The following ERC2 variants were observed in gnomAD, a reference collection of about 807,000 sequenced individuals.
The protein encoded by ERC2 is ELKS/RAB6-interacting/CAST family member 2.
ERC2 carries 42 observed loss-of-function variants against 114.8 expected under a neutral mutation model. The observed-to-expected ratio is 0.37, with a 90% CI of 0.29 to 0.47. The LOEUF (loss-of-function observed/expected upper bound fraction) is 0.47, where lower values mean the gene tolerates loss of function less well. Ranked by LOEUF, ERC2 falls within the 20% of genes least tolerant of loss-of-function variation. The pLI is 0.99. For missense variants in ERC2, 939 were observed against 1,150.7 expected, an observed-to-expected ratio of 0.82 and a Z score of 2.66; for synonymous variants, 454 against 425.5, an observed-to-expected ratio of 1.07 and a Z score of -0.82.
intron 15 of ERC2, among the ~76,000 whole-genome samples, chr3:55,713,114 CTCTCTCTCTCTCTG>C (rs1237088649): frequency 2.6e-5 from 3 of 114,198 alleles, no homozygotes; most frequent in Non-Finnish European, 5.1e-5. Flanking sequence ...CTCTCTCTCT[CTCTCTCTCTCTCTG>C]TCTCACACAC....
chr3:55,525,842 A>C (rs1372666906), intron 17 of ERC2, among the ~76,000 whole-genome samples: 1 of 152,204 alleles, frequency 6.6e-6, no homozygotes, highest in Non-Finnish European at 1.5e-5. Flanking sequence ...TGGGGACTAC[A>C]TAACCTTTCC....
At chr3:55,525,607 C>A (rs558628493) in intron 17 of ERC2, among the ~76,000 whole-genome samples, 1 of 152,266 alleles carries the variant, frequency 6.6e-6, no homozygotes, top group South Asian at 2.1e-4. Flanking sequence ...TAGAGCCAGG[C>A]CAAAGCTGAC....
intron 2 of ERC2, among the ~76,000 whole-genome samples, chr3:56,424,890 A>G (rs1447847420): frequency 6.6e-6 from 1 of 152,200 alleles, no homozygotes; most frequent in Non-Finnish European, 1.5e-5. Context: ...TTTATGTAAC[A>G]TTGGGGAAAA....
intron 6 of ERC2, among the ~76,000 whole-genome samples, chr3:56,119,034 C>T (rs1161372391): frequency 2.0e-5 from 3 of 152,144 alleles, no homozygotes; most frequent in Non-Finnish European, 2.9e-5. Context: ...TCTTTTGCAA[C>T]GAATTAACTC....
chr3:56,276,032 C>T (rs2150308891), intron 3 of ERC2, among the ~76,000 whole-genome samples: 1 of 152,310 alleles, frequency 6.6e-6, no homozygotes, highest in Non-Finnish European at 1.5e-5. Flanking sequence ...TGCAAACTTG[C>T]ACTGGAGTTA....
chr3:55,950,714 A>G, intron 12 of ERC2, 154 bp from the exon 13 acceptor site: 1 of 876,710 alleles, frequency 1.1e-6, no homozygotes, highest in Non-Finnish European at 1.7e-6. Context: ...AACTACAAAT[A>G]TGTATTGAGC....
chr3:56,400,315 G>A (rs911933123), intron 2 of ERC2, among the ~76,000 whole-genome samples: 1 of 152,150 alleles, frequency 6.6e-6, no homozygotes, highest in South Asian at 2.1e-4. Context: ...ATGGTTATGG[G>A]GGCTGAGGGG....
intron 14 of ERC2, among the ~76,000 whole-genome samples, chr3:55,821,618 T>C (rs1340933294): frequency 6.6e-6 from 1 of 152,240 alleles, no homozygotes; most frequent in African/African-American, 2.4e-5. Flanking sequence ...CTAACTTGTT[T>C]TCTGACAAAG....
chr3:55,990,320 A>C (rs1351053105), intron 11 of ERC2, among the ~76,000 whole-genome samples: 2 of 152,248 alleles, frequency 1.3e-5, no homozygotes, highest in Non-Finnish European at 2.9e-5. Context: ...TAATGCTATT[A>C]TGAAGAGAAA....
At chr3:56,023,713 G>A (rs2073865683) in intron 7 of ERC2, among the ~76,000 whole-genome samples, 1 of 149,810 alleles carries the variant, frequency 6.7e-6, no homozygotes, top group African/African-American at 2.5e-5. Flanking sequence ...ATCTCCAGCT[G>A]CAGCACCCAA....
intron 12 of ERC2, among the ~76,000 whole-genome samples, chr3:55,951,825 A>T (rs2067537978): frequency 6.6e-6 from 1 of 152,146 alleles, no homozygotes; most frequent in Non-Finnish European, 1.5e-5. Flanking sequence ...GATGATAAAC[A>T]GCAAACGTGA....
intron 13 of ERC2, among the ~76,000 whole-genome samples, chr3:55,917,981 C>T (rs975432339): frequency 6.6e-5 from 10 of 152,036 alleles, no homozygotes; most frequent in Middle Eastern, 3.4e-3. Context: ...ACTGAAATCT[C>T]GGTGGCTTAT....
chr3:55,840,973 T>A (rs2061107028), intron 14 of ERC2, among the ~76,000 whole-genome samples: 1 of 151,568 alleles, frequency 6.6e-6, no homozygotes, highest in South Asian at 2.1e-4. Context: ...CATGGAGAGG[T>A]AGGAGGAATG....
chr3:56,298,522 T>C (rs1341656892), intron 2 of ERC2, among the ~76,000 whole-genome samples: 1 of 152,160 alleles, frequency 6.6e-6, no homozygotes, highest in South Asian at 2.1e-4. Context: ...TAATGGAATA[T>C]TATTCAGCCA....
At chr3:56,130,970 G>T (rs2080168959) in intron 6 of ERC2, among the ~76,000 whole-genome samples, 1 of 152,030 alleles carries the variant, frequency 6.6e-6, no homozygotes, top group Non-Finnish European at 1.5e-5. Context: ...AATAAAAAGA[G>T]AATCAAAACA....
chr3:56,065,505 C>T (rs866731542), intron 7 of ERC2, among the ~76,000 whole-genome samples: 4 of 151,674 alleles, frequency 2.6e-5, no homozygotes, highest in Non-Finnish European at 5.9e-5. Flanking sequence ...GATATTCTGA[C>T]ATGGACTACT....
chr3:56,440,052 C>G (rs2062216182), intron 1 of ERC2, among the ~76,000 whole-genome samples: 1 of 152,130 alleles, frequency 6.6e-6, no homozygotes, highest in Non-Finnish European at 1.5e-5. Context: ...TTTGTCAAGA[C>G]TTTCTAATTG....
chr3:55,781,973 G>T (rs1575585447), intron 14 of ERC2, among the ~76,000 whole-genome samples: 2 of 151,842 alleles, frequency 1.3e-5, no homozygotes, highest in African/African-American at 4.8e-5. Flanking sequence ...ACTCCACGTT[G>T]TTTCCCTGTG....
chr3:56,033,032 G>GAA (rs2074552357), intron 7 of ERC2, among the ~76,000 whole-genome samples: 1 of 61,672 alleles, frequency 1.6e-5, no homozygotes. Context: ...AAAAGAAACA[G>GAA]AAAGAAAGAA....
Sources: allele counts gnomAD v4.1 joint callset (sites outside exome capture counted in the v4.1 genomes callset), GRCh38; gene constraint gnomAD v4.1.1; transcripts MANE v1.5; gene names NCBI Gene and HGNC (gene_info 2026-07-23, HGNC 2026-07-21).